Variants in KPNA6 observed in about 807,000 individuals in gnomAD.
KPNA6 encodes the protein karyopherin subunit alpha 6, also known as importin subunit alpha-7.
In KPNA6, 9 loss-of-function variants were observed where a neutral mutation model predicts 72.0. The ratio of observed to expected loss-of-function variants is 0.13; its 90% CI spans 0.08 to 0.22. The LOEUF (loss-of-function observed/expected upper bound fraction) is 0.22, where lower values mean the gene tolerates loss of function less well. Ranked by LOEUF, KPNA6 falls within the 10% of genes least tolerant of loss-of-function variation. The probability of loss-of-function intolerance (pLI) is 1.00; values close to 1 mark genes in which losing one functional copy is unlikely to be tolerated. For synonymous variants in KPNA6, 219 were observed against 242.1 expected, an observed-to-expected ratio of 0.90 and a Z score of 0.89; for missense variants, 374 against 655.7, an observed-to-expected ratio of 0.57 and a Z score of 4.69.
chr1:32,171,692 C>T lies in KPNA6; in HGVS notation c.*798C>T, dbSNP rs924371104. On this transcript the variant is annotated 3_prime_UTR_variant, in exon 14 of 14. Coordinates refer to ENST00000373625, the MANE Select transcript of KPNA6 (RefSeq NM_012316.5). The stretch of plus-strand genomic sequence containing the variant: ...CCAGTGGGAGTGCAGGGGAGGAGCA[C>T]AGGCCTTCAGATGGGGCTTCCCACG... 1 of 152,222 alleles carries T rather than the reference C, an allele frequency of 6.6e-6. No individual in the cohort carries two copies. The highest frequency in any genetic ancestry group is 2.4e-5 in the African/African-American group (1 of 41,428). The allele number at this position is 152,222 out of a possible 1,614,324, so 9.4% of individuals were successfully genotyped here.
intron 1 of KPNA6, among the ~76,000 whole-genome samples, chr1:32,138,442 C>T (rs1641779528): frequency 6.7e-6 from 1 of 150,146 alleles, no homozygotes; most frequent in African/African-American, 2.5e-5. Flanking sequence ...ACTTGGGAGG[C>T]TGAGGCAGGA....
intron 1 of KPNA6, among the ~76,000 whole-genome samples, chr1:32,121,985 C>T (rs1641441117): frequency 6.9e-6 from 1 of 145,078 alleles, no homozygotes; most frequent in Non-Finnish European, 1.5e-5. Flanking sequence ...ACAAAAAAGC[C>T]AAGAGAGGCT....
intron 1 of KPNA6, among the ~76,000 whole-genome samples, chr1:32,132,049 C>T (rs1641647829): frequency 6.6e-6 from 1 of 152,016 alleles, no homozygotes; most frequent in Admixed American, 6.6e-5. Context: ...CGGCTCACTG[C>T]AACCTCCGCT....
At chr1:32,127,612 G>T (rs1641557333) in intron 1 of KPNA6, among the ~76,000 whole-genome samples, 1 of 152,206 alleles carries the variant, frequency 6.6e-6, no homozygotes, top group African/African-American at 2.4e-5. Flanking sequence ...GTCTGAAGAC[G>T]AGTTGTGGGT....
rs71006334 is a variant in KPNA6, at chr1:32,141,375, C to CTTTTTTTTTTT, written c.5-13183_5-13173dup. 7.5e-4 allele frequency among the ~76,000 whole-genome samples: 41 copies of CTTTTTTTTTTT among 54,472 alleles called. 11 individuals are homozygous for CTTTTTTTTTTT. The highest frequency in any genetic ancestry group is 1.1e-3 in the Non-Finnish European group (27 of 25,162). 35.7% of individuals were successfully genotyped at this position (54,472 alleles called of 152,430 possible). On this transcript the variant is annotated intron_variant, in intron 1 of 13. Transcript: ENST00000373625. ...AGGGCTTTTTTTTTTTAAGTTAATC[C>CTTTTTTTTTTT]TTTTTTTTTTTTTTTTTTTTTTTTT...
At chr1:32,129,115 CCT>C (rs369152517) in intron 1 of KPNA6, among the ~76,000 whole-genome samples, 4 of 150,826 alleles carry the variant, frequency 2.7e-5, no homozygotes, top group South Asian at 2.1e-4. Flanking sequence ...TATTTCCCTC[CCT>C]CTCTCTCTCT....
Position 32,172,825 on chromosome 1 carries a change from T to A in KPNA6, c.*1931T>A. On this transcript the variant is annotated 3_prime_UTR_variant, in exon 14 of 14. Coordinates refer to ENST00000373625, the MANE Select transcript of KPNA6 (RefSeq NM_012316.5). The stretch of plus-strand genomic sequence containing the variant: ...TCTGCTTTTCCTTCCTCTGAAACAA[T>A]GCCATTCTTGCTTCTATTGCTACAC... The A allele has an allele frequency of 1.3e-4, 34 of 256,002 alleles. No individual in the cohort carries two copies. Among genetic ancestry groups the A allele is most frequent in the South Asian group, 1.8e-4 (1 of 5,536 alleles). The allele number at this position is 256,002 out of a possible 1,614,324, so 15.9% of individuals were successfully genotyped here. A position where few individuals can be genotyped will look rare whatever the true frequency, so the allele number is the denominator to read the frequency against.
chr1:32,157,820 C>T (rs1232553974), intron 4 of KPNA6, among the ~76,000 whole-genome samples: 1 of 152,140 alleles, frequency 6.6e-6, no homozygotes, highest in African/African-American at 2.4e-5. Flanking sequence ...TTTTTGTTCC[C>T]TCCTGTGTCC....
chr1:32,164,587 CTAATGGGTGTGAAGTGA>C (rs1370029684), intron 10 of KPNA6, among the ~76,000 whole-genome samples: 15 of 151,050 alleles, frequency 9.9e-5, no homozygotes, highest in Non-Finnish European at 1.8e-4. Flanking sequence ...AATACCCACC[CTAATGGGTGTGAAGTGA>C]TATTTCATTG....
At chr1:32,144,821 T>G (rs567770068) in intron 1 of KPNA6, among the ~76,000 whole-genome samples, 1 of 152,216 alleles carries the variant, frequency 6.6e-6, no homozygotes, top group Admixed American at 6.5e-5. Flanking sequence ...CAGCTAATTT[T>G]GTATTTTTAG....
intron 1 of KPNA6, among the ~76,000 whole-genome samples, chr1:32,120,871 CTTT>C (rs767698422): frequency 3.3e-5 from 4 of 120,558 alleles, no homozygotes; most frequent in African/African-American, 3.0e-5. Flanking sequence ...GGAGTTCCTT[CTTT>C]TTTTTTTTTT....
At position 32,171,732 on chromosome 1, in the gene KPNA6, C is replaced by G. The variant is rs1570084250; in HGVS notation, c.*838C>G. The stretch of plus-strand genomic sequence containing the variant: ...GGCTTCCCACGTGTAGCTACTGATC[C>G]CATATTTCCTACTCACCTTCCAAAT... On this transcript the variant is annotated 3_prime_UTR_variant, in exon 14 of 14. Coordinates refer to ENST00000373625, the MANE Select transcript of KPNA6 (RefSeq NM_012316.5). 6.6e-6 allele frequency: 1 copy of G among 152,230 alleles called. No individual in the cohort carries two copies. The highest frequency in any genetic ancestry group is 2.1e-4 in the South Asian group (1 of 4,830). The allele number at this position is 152,230 out of a possible 1,614,324, so 9.4% of individuals were successfully genotyped here.
At chr1:32,169,464 T>G (rs1275721801) in intron 12 of KPNA6, among the ~76,000 whole-genome samples, 4 of 151,148 alleles carry the variant, frequency 2.6e-5, no homozygotes, top group Non-Finnish European at 5.9e-5. Context: ...TTTTTTTTTT[T>G]GAGACGGAGT....
chr1:32,166,968 T>G (rs1476810312), intron 11 of KPNA6, among the ~76,000 whole-genome samples: 2 of 151,830 alleles, frequency 1.3e-5, no homozygotes, highest in African/African-American at 4.8e-5. Context: ...TAAATTGGAG[T>G]CAGTGTGTAC....
At chr1:32,129,510 A>G (rs570465580) in intron 1 of KPNA6, among the ~76,000 whole-genome samples, 1 of 151,854 alleles carries the variant, frequency 6.6e-6, no homozygotes, top group Admixed American at 6.6e-5. Context: ...TTCTCTGCAT[A>G]TTAGTATTTG....
chr1:32,164,324 T>C (rs943820856), intron 10 of KPNA6, among the ~76,000 whole-genome samples: 2 of 152,254 alleles, frequency 1.3e-5, no homozygotes, highest in African/African-American at 2.4e-5. Flanking sequence ...TTCCACCTTT[T>C]GGCTATTGTG....
At chr1:32,153,614 GAAAC>G (rs1230444705) in intron 1 of KPNA6, among the ~76,000 whole-genome samples, 20 of 144,802 alleles carry the variant, frequency 1.4e-4, no homozygotes, top group East Asian at 4.0e-4. Flanking sequence ...TAAAAATACA[GAAAC>G]AAACATTTTT....
In KPNA6 at chr1:32,175,948, TAAAA is replaced by T. The variant is rs370075005; in HGVS notation, c.*5059_*5062del. On this transcript the variant is annotated 3_prime_UTR_variant, in exon 14 of 14. Coordinates refer to ENST00000373625, the MANE Select transcript of KPNA6 (RefSeq NM_012316.5). ...CCCCGTCCCTACAAAAATAAAAAAA[TAAAA>T]AAAATAAGCCAGGTGTGGTGGTGGG... 2.7e-5 allele frequency: 4 copies of T among 150,378 alleles called. No individual in the cohort carries two copies. Among genetic ancestry groups the T allele is most frequent in the Middle Eastern group, 3.2e-3 (1 of 314 alleles). The allele number at this position is 150,378 out of a possible 1,614,324, so 9.3% of individuals were successfully genotyped here.
chr1:32,166,364 C>A, intron 11 of KPNA6, 134 bp downstream of exon 11: 1 of 1,038,878 alleles, frequency 9.6e-7, no homozygotes. Context: ...CGGTGGCTCA[C>A]GCCTGTAGTC....
Sources: gnomAD v4.1 joint callset for allele counts (sites outside exome capture counted in the v4.1 genomes callset) on GRCh38, gnomAD v4.1.1 for gene constraint, MANE v1.5 for transcripts, NCBI Gene and HGNC (gene_info 2026-07-23, HGNC 2026-07-21) for gene names.